The following LINGO2 variants were observed in gnomAD, a reference collection of about 807,000 sequenced individuals.
LINGO2 encodes leucine rich repeat and Ig domain containing 2.
In LINGO2, 14 loss-of-function variants were observed where a neutral mutation model predicts 30.6. The observed-to-expected ratio is 0.46, with a 90% CI of 0.30 to 0.72. LINGO2 has a LOEUF of 0.72. LINGO2 is among the 30% of genes least tolerant of loss of function. The probability of loss-of-function intolerance (pLI) is 0.07; values close to 1 mark genes in which losing one functional copy is unlikely to be tolerated. For missense variants in LINGO2, 729 were observed against 751.7 expected (o/e 0.97, Z 0.35); for synonymous variants, 317 against 288.5 (o/e 1.10, Z -1.00).
At chr9:28,769,213 T>C in the LINGO2 span, among the ~76,000 whole-genome samples, 3 of 151,472 alleles carry the variant, frequency 2.0e-5, no homozygotes, top group Non-Finnish European at 4.4e-5. Flanking sequence ...CTTAATTCTA[T>C]AGGCAAGTAT....
the LINGO2 span, among the ~76,000 whole-genome samples, chr9:28,821,699 G>A: frequency 6.6e-6 from 1 of 152,212 alleles, no homozygotes; most frequent in Non-Finnish European, 1.5e-5. Context: ...ATACCACAGA[G>A]TAAAGAAACC....
chr9:28,240,130 G>T (rs1403644889), intron 4 of LINGO2, among the ~76,000 whole-genome samples: 1 of 151,906 alleles, frequency 6.6e-6, no homozygotes, highest in Non-Finnish European at 1.5e-5. Flanking sequence ...AATTGAAGAG[G>T]GCACCCCAAA....
intron 4 of LINGO2, among the ~76,000 whole-genome samples, chr9:28,069,104 G>C (rs1825398525): frequency 6.6e-6 from 1 of 152,168 alleles, no homozygotes. Flanking sequence ...AGGACGTGCA[G>C]AGTGTTTTTG....
At chr9:28,534,989 AAC>A (rs750468599) in intron 1 of LINGO2, among the ~76,000 whole-genome samples, 3 of 152,190 alleles carry the variant, frequency 2.0e-5, no homozygotes, top group African/African-American at 4.8e-5. Flanking sequence ...GCATAAATGT[AAC>A]AGTAATTGGC....
the LINGO2 span, among the ~76,000 whole-genome samples, chr9:29,004,303 T>C: frequency 2.0e-5 from 3 of 152,018 alleles, no homozygotes; most frequent in Admixed American, 2.0e-4. Context: ...CATAACATTT[T>C]ATGGTATTTT....
At chr9:28,440,770 C>G (rs370794273) in intron 2 of LINGO2, among the ~76,000 whole-genome samples, 1 of 152,136 alleles carries the variant, frequency 6.6e-6, no homozygotes, top group Non-Finnish European at 1.5e-5. Context: ...CTGAAACATA[C>G]TACATATGCC....
intron 2 of LINGO2, among the ~76,000 whole-genome samples, chr9:28,448,484 A>G (rs951303586): frequency 6.6e-6 from 1 of 152,172 alleles, no homozygotes; most frequent in Non-Finnish European, 1.5e-5. Context: ...GTTAAAAAAT[A>G]CATATTGCAT....
chr9:28,817,628 T>A, the LINGO2 span, among the ~76,000 whole-genome samples: 10 of 152,150 alleles, frequency 6.6e-5, 1 homozygote, highest in Non-Finnish European at 8.8e-5. Flanking sequence ...AAGGAAGCAC[T>A]CAGATTGGTC....
intron 1 of LINGO2, among the ~76,000 whole-genome samples, chr9:28,562,830 TTATTTATTTGTG>T (rs1190726656): frequency 1.3e-5 from 2 of 151,968 alleles, no homozygotes; most frequent in East Asian, 3.9e-4. Flanking sequence ...TAAAACTTAT[TTATTTATTTGTG>T]TATTTATTTA....
chr9:28,143,174 A>C (rs1451579020), intron 4 of LINGO2, among the ~76,000 whole-genome samples: 1 of 152,174 alleles, frequency 6.6e-6, no homozygotes, highest in Non-Finnish European at 1.5e-5. Flanking sequence ...AAAGCATTAA[A>C]TTTGAAGAAA....
chr9:28,532,438 G>A (rs1461290787), intron 1 of LINGO2, among the ~76,000 whole-genome samples: 2 of 151,556 alleles, frequency 1.3e-5, no homozygotes, highest in African/African-American at 4.9e-5. Flanking sequence ...TTTCTAAACC[G>A]ACTTTTTTTT....
At chr9:28,045,532 A>G (rs548264148) in intron 4 of LINGO2, among the ~76,000 whole-genome samples, 1 of 152,238 alleles carries the variant, frequency 6.6e-6, no homozygotes, top group South Asian at 2.1e-4. Context: ...ATAAACATGT[A>G]AAATGAAGTA....
At chr9:28,279,940 C>A (rs903948270) in intron 4 of LINGO2, among the ~76,000 whole-genome samples, 1 of 151,940 alleles carries the variant, frequency 6.6e-6, no homozygotes, top group African/African-American at 2.4e-5. Flanking sequence ...ATAATTTAGT[C>A]TTTTATGTGT....
At chr9:28,855,942 C>G in the LINGO2 span, among the ~76,000 whole-genome samples, 1 of 151,998 alleles carries the variant, frequency 6.6e-6, no homozygotes, top group Non-Finnish European at 1.5e-5. Context: ...GAGATGTAGG[C>G]GGACACAGAG....
At chr9:28,395,461 G>A (rs991228297) in intron 2 of LINGO2, among the ~76,000 whole-genome samples, 2 of 152,084 alleles carry the variant, frequency 1.3e-5, no homozygotes, top group East Asian at 1.9e-4. Context: ...GTTGCATAAA[G>A]TATATTTCAA....
intron 2 of LINGO2, among the ~76,000 whole-genome samples, chr9:28,408,676 C>A (rs6476066): frequency 0.13 from 18,188 of 144,272 alleles, 1,332 homozygotes; most frequent in East Asian, 0.24. Context: ...GCTAAATGAC[C>A]AGTTAATGGG....
intron 2 of LINGO2, among the ~76,000 whole-genome samples, chr9:28,392,325 AG>A (rs1564171113): frequency 6.6e-6 from 1 of 152,186 alleles, no homozygotes; most frequent in Non-Finnish European, 1.5e-5. Context: ...CTTGAGAAAA[AG>A]TATAAAAGCA....
At chr9:29,034,144 T>C in the LINGO2 span, among the ~76,000 whole-genome samples, 1 of 152,080 alleles carries the variant, frequency 6.6e-6, no homozygotes, top group Admixed American at 6.6e-5. Context: ...AATAGATCTA[T>C]GAATGCATGG....
chr9:28,312,705 A>C (rs1824678486), intron 3 of LINGO2, among the ~76,000 whole-genome samples: 1 of 152,206 alleles, frequency 6.6e-6, no homozygotes, highest in East Asian at 1.9e-4. Flanking sequence ...TAATTCTGAG[A>C]AAATTTTAAT....
Sources: allele counts gnomAD v4.1 joint callset (sites outside exome capture counted in the v4.1 genomes callset), GRCh38; gene constraint gnomAD v4.1.1; transcripts MANE v1.5; gene names NCBI Gene and HGNC (gene_info 2026-07-23, HGNC 2026-07-21).